Variants in HLCS observed in about 807,000 individuals in gnomAD.
HLCS encodes the protein holocarboxylase synthetase.
HLCS carries 53 observed loss-of-function variants against 75.0 expected under a neutral mutation model. That is an observed-to-expected ratio of 0.71 (90% confidence interval 0.57 to 0.89). HLCS has a LOEUF of 0.89. HLCS is among the 40% of genes least tolerant of loss of function. The pLI is 0.00. For synonymous variants in HLCS, 431 were observed against 428.6 expected (o/e 1.01, Z -0.07); for missense variants, 966 against 1,074.0 (o/e 0.90, Z 1.41).
intron 5 of HLCS, among the ~76,000 whole-genome samples, chr21:36,917,526 T>A (rs558041728): frequency 6.6e-6 from 1 of 152,142 alleles, no homozygotes; most frequent in Non-Finnish European, 1.5e-5. Flanking sequence ...TGGCACCGAA[T>A]GAAAAACACA....
chr21:36,905,321 CAAA>C (rs1291293667), intron 5 of HLCS, among the ~76,000 whole-genome samples: 3 of 151,934 alleles, frequency 2.0e-5, no homozygotes, highest in African/African-American at 7.2e-5. Context: ...AGGTAAAACT[CAAA>C]AAAGACAATG....
intron 6 of HLCS, among the ~76,000 whole-genome samples, chr21:36,794,319 G>A (rs566060883): frequency 1.3e-5 from 2 of 152,324 alleles, no homozygotes; most frequent in Admixed American, 1.3e-4. Flanking sequence ...GCAGATAAGG[G>A]GTACAAGGAA....
chr21:36,820,904 G>A (rs1016235191), intron 6 of HLCS, among the ~76,000 whole-genome samples: 3 of 152,214 alleles, frequency 2.0e-5, no homozygotes, highest in African/African-American at 4.8e-5. Flanking sequence ...TGGTGACCCC[G>A]TGGAGGGGAA....
intron 1 of HLCS, among the ~76,000 whole-genome samples, chr21:36,976,702 T>C (rs2068947955): frequency 6.6e-6 from 1 of 152,226 alleles, no homozygotes. Context: ...CTCTCTGTAC[T>C]ATTTCTCTTT....
intron 5 of HLCS, among the ~76,000 whole-genome samples, chr21:36,918,340 C>T (rs1275777585): frequency 1.3e-5 from 2 of 152,198 alleles, no homozygotes; most frequent in African/African-American, 4.8e-5. Flanking sequence ...CACACCATTT[C>T]ACTGGATATA....
chr21:36,800,574 G>A (rs1055807652), intron 6 of HLCS, among the ~76,000 whole-genome samples: 7 of 152,130 alleles, frequency 4.6e-5, no homozygotes, highest in African/African-American at 1.7e-4. Context: ...ACAGAGGCAG[G>A]AAGGTACTAG....
chr21:36,774,784 T>C (rs1295785159), intron 6 of HLCS, among the ~76,000 whole-genome samples: 4 of 152,238 alleles, frequency 2.6e-5, no homozygotes, highest in Non-Finnish European at 5.9e-5. Context: ...CTAGGGTCTC[T>C]GAACCTACTC....
chr21:36,801,661 A>G (rs2061204747), intron 6 of HLCS, among the ~76,000 whole-genome samples: 1 of 152,214 alleles, frequency 6.6e-6, no homozygotes, highest in Non-Finnish European at 1.5e-5. Context: ...CAGAGAGTCT[A>G]TTAACTTTCC....
At chr21:36,826,048 A>C (rs575617421) in intron 6 of HLCS, among the ~76,000 whole-genome samples, 80 of 152,224 alleles carry the variant, frequency 5.3e-4, no homozygotes, top group African/African-American at 1.9e-3. Context: ...TTAATTAGAA[A>C]CAAATGAAAG....
intron 6 of HLCS, among the ~76,000 whole-genome samples, chr21:36,857,866 T>C (rs1034830463): frequency 3.3e-5 from 5 of 152,160 alleles, no homozygotes; most frequent in African/African-American, 1.2e-4. Context: ...CTCGGCTCAA[T>C]GCAACCTCTC....
chr21:36,888,849 T>C (rs2064645820), intron 6 of HLCS, among the ~76,000 whole-genome samples: 1 of 151,934 alleles, frequency 6.6e-6, no homozygotes, highest in African/African-American at 2.4e-5. Context: ...CCCTACTAGA[T>C]TACGAGCTCT....
chr21:36,883,238 C>T (rs2146279973), intron 6 of HLCS, among the ~76,000 whole-genome samples: 1 of 152,296 alleles, frequency 6.6e-6, no homozygotes, highest in East Asian at 1.9e-4. Context: ...CAACTCTCAC[C>T]TCCAAAGCAG....
intron 6 of HLCS, among the ~76,000 whole-genome samples, chr21:36,788,635 G>A: frequency 6.6e-6 from 1 of 152,176 alleles, no homozygotes; most frequent in East Asian, 1.9e-4. Context: ...TCTGGGTAGG[G>A]TCTGGGAGAG....
intron 6 of HLCS, among the ~76,000 whole-genome samples, chr21:36,864,697 T>G (rs1254048032): frequency 6.6e-6 from 1 of 152,202 alleles, no homozygotes; most frequent in African/African-American, 2.4e-5. Flanking sequence ...TATGTATAAC[T>G]TGAAATCCAT....
chr21:36,891,306 C>T (rs905877122), intron 6 of HLCS, among the ~76,000 whole-genome samples: 1 of 152,218 alleles, frequency 6.6e-6, no homozygotes, highest in East Asian at 1.9e-4. Context: ...TGCTGGACTT[C>T]CCATCTCAGC....
At chr21:36,788,273 C>A (rs778230805) in intron 6 of HLCS, among the ~76,000 whole-genome samples, 1 of 152,168 alleles carries the variant, frequency 6.6e-6, no homozygotes, top group African/African-American at 2.4e-5. Flanking sequence ...CATGCTGTGC[C>A]GAGCTCATGA....
At chr21:36,882,206 C>A (rs943122911) in intron 6 of HLCS, among the ~76,000 whole-genome samples, 2 of 151,018 alleles carry the variant, frequency 1.3e-5, no homozygotes, top group Non-Finnish European at 3.0e-5. Context: ...GGCATGAACC[C>A]GGAAGGCGGA....
intron 2 of HLCS, among the ~76,000 whole-genome samples, chr21:36,940,272 C>T (rs977145224): frequency 6.6e-6 from 1 of 152,118 alleles, no homozygotes; most frequent in Non-Finnish European, 1.5e-5. Context: ...CTAAAGATAC[C>T]TTCTCAGGGA....
At chr21:36,983,033 CA>C (rs1046106324) in intron 1 of HLCS, among the ~76,000 whole-genome samples, 2 of 139,730 alleles carry the variant, frequency 1.4e-5, no homozygotes, top group Admixed American at 7.2e-5. Flanking sequence ...GACTCCGTCT[CA>C]AAAAAAAAAC....
Sources: allele counts gnomAD v4.1 joint callset (sites outside exome capture counted in the v4.1 genomes callset), GRCh38; gene constraint gnomAD v4.1.1; transcripts MANE v1.5; gene names NCBI Gene and HGNC (gene_info 2026-07-23, HGNC 2026-07-21).